DGKB: variants seen among roughly 807,000 people sequenced by gnomAD.
The protein encoded by DGKB is diacylglycerol kinase beta.
A neutral mutation model predicts 114.3 loss-of-function variants in DGKB; 67 were observed. The ratio of observed to expected loss-of-function variants is 0.59; its 90% CI spans 0.48 to 0.72. The LOEUF is 0.72. Among genes scored for constraint, DGKB ranks in the 30% least tolerant of loss-of-function variants. DGKB has a pLI of 0.00. For synonymous variants in DGKB, 398 were observed against 323.1 expected (o/e 1.23, Z -2.49); for missense variants, 907 against 975.2 (o/e 0.93, Z 0.93).
At chr7:14,445,304 T>C (rs1434920667) in intron 21 of DGKB, among the ~76,000 whole-genome samples, 1 of 151,900 alleles carries the variant, frequency 6.6e-6, no homozygotes, top group Non-Finnish European at 1.5e-5. Flanking sequence ...ATATTTTAAA[T>C]ATATAATCCA....
At chr7:14,882,688 A>G (rs1388969718) in intron 1 of DGKB, among the ~76,000 whole-genome samples, 2 of 151,946 alleles carry the variant, frequency 1.3e-5, no homozygotes, top group African/African-American at 4.8e-5. Flanking sequence ...AGAGTATGCA[A>G]TATTTTCCTT....
chr7:14,934,461 T>A (rs1394000941), intron 1 of DGKB, among the ~76,000 whole-genome samples: 1 of 152,142 alleles, frequency 6.6e-6, no homozygotes, highest in Non-Finnish European at 1.5e-5. Flanking sequence ...ATAATCTCAT[T>A]GAATTAAAAA....
chr7:14,834,063 T>C (rs1309268521), intron 2 of DGKB, among the ~76,000 whole-genome samples: 3 of 152,108 alleles, frequency 2.0e-5, no homozygotes, highest in African/African-American at 4.8e-5. Flanking sequence ...GCACTTCCTA[T>C]AATAATGTGG....
chr7:14,896,552 T>C (rs1236138881), intron 1 of DGKB, among the ~76,000 whole-genome samples: 3 of 151,684 alleles, frequency 2.0e-5, no homozygotes, highest in Admixed American at 1.3e-4. Flanking sequence ...CTGATACTTT[T>C]TCTCTGAGAC....
upstream of DGKB, among the ~76,000 whole-genome samples, chr7:14,907,301 C>T (rs1175410244): frequency 1.3e-5 from 2 of 152,332 alleles, no homozygotes; most frequent in East Asian, 3.9e-4. Context: ...AGGCCATTTA[C>T]AGGCCTTTCC....
chr7:14,908,972 T>C (rs1783848057), intron 1 of DGKB, among the ~76,000 whole-genome samples: 1 of 152,170 alleles, frequency 6.6e-6, no homozygotes, highest in Admixed American at 6.5e-5. Context: ...TTTGAAAAAG[T>C]AAGGATGCAT....
chr7:14,802,748 G>A (rs1192622286), intron 2 of DGKB, among the ~76,000 whole-genome samples: 1 of 152,068 alleles, frequency 6.6e-6, no homozygotes, highest in African/African-American at 2.4e-5. Flanking sequence ...AAAAATCACA[G>A]ATTTACTAAA....
In DGKB at chr7:14,317,566, T is replaced by A. The variant is rs1194176336; in HGVS notation, c.2122+20949A>T. On this transcript the variant is annotated intron_variant, in intron 23 of 25. Transcript: ENST00000402815. ...TCAAAGAGAATAAAAGACCTAGGAA[T>A]CCAACTTACAAGGGATGTGAAGGAC... Among the ~76,000 whole-genome samples, 3 of 150,618 alleles carry A rather than the reference T, an allele frequency of 2.0e-5. No homozygotes were observed. In the East Asian group the frequency reaches 5.9e-4, roughly 30 times the overall value.
intron 21 of DGKB, among the ~76,000 whole-genome samples, chr7:14,366,695 G>A (rs949072830): frequency 6.6e-6 from 1 of 152,216 alleles, no homozygotes; most frequent in South Asian, 2.1e-4. Flanking sequence ...AAGATGAACT[G>A]AGAAGGGATT....
chr7:14,781,016 TG>T (rs1839009033), intron 2 of DGKB, among the ~76,000 whole-genome samples: 1 of 152,230 alleles, frequency 6.6e-6, no homozygotes, highest in Non-Finnish European at 1.5e-5. Flanking sequence ...TCTTCCTGGC[TG>T]TTCATTTTCT....
intron 20 of DGKB, among the ~76,000 whole-genome samples, chr7:14,557,366 ATTTC>A (rs1323747608): frequency 6.6e-6 from 1 of 151,972 alleles, no homozygotes; most frequent in African/African-American, 2.4e-5. Context: ...CTGTGTATTT[ATTTC>A]TTTCTGTTAA....
intron 1 of DGKB, among the ~76,000 whole-genome samples, chr7:14,929,354 G>T (rs1263700462): frequency 1.3e-5 from 2 of 152,044 alleles, no homozygotes; most frequent in Non-Finnish European, 2.9e-5. Context: ...CATCAACAGT[G>T]TATAAATGTT....
intron 1 of DGKB, among the ~76,000 whole-genome samples, chr7:14,890,135 A>G (rs1035961930): frequency 6.6e-6 from 1 of 151,560 alleles, no homozygotes; most frequent in Non-Finnish European, 1.5e-5. Flanking sequence ...AATCCCACAG[A>G]TAAAATTAAT....
intron 13 of DGKB, among the ~76,000 whole-genome samples, chr7:14,638,095 T>A (rs1219261507): frequency 6.6e-6 from 1 of 152,104 alleles, no homozygotes; most frequent in Non-Finnish European, 1.5e-5. Context: ...GAAAAACATC[T>A]CAATTCTCCT....
chr7:14,191,495 C>A, intron 23 of DGKB: 1 of 191,684 alleles, frequency 5.2e-6, no homozygotes, highest in South Asian at 1.2e-4. Context: ...ATCCTATCAC[C>A]AACTCATCCA....
chr7:14,437,366 G>A (rs905400757), intron 21 of DGKB, among the ~76,000 whole-genome samples: 7 of 152,060 alleles, frequency 4.6e-5, no homozygotes, highest in African/African-American at 1.2e-4. Flanking sequence ...AAAACTATCC[G>A]TGCTTTTGTA....
At chr7:14,924,797 A>C (rs1336114188) in intron 1 of DGKB, among the ~76,000 whole-genome samples, 3 of 152,150 alleles carry the variant, frequency 2.0e-5, no homozygotes, top group Non-Finnish European at 4.4e-5. Flanking sequence ...TATAATACAG[A>C]AACACTGAAG....
At chr7:14,389,557 A>G (rs1201590270) in intron 21 of DGKB, among the ~76,000 whole-genome samples, 2 of 152,148 alleles carry the variant, frequency 1.3e-5, no homozygotes, top group East Asian at 3.9e-4. Flanking sequence ...TCCACTTAAC[A>G]TTTCCTCTCA....
intron 4 of DGKB, chr7:14,750,124 G>T (rs779956465): frequency 1.4e-5 from 7 of 518,198 alleles, no homozygotes; most frequent in Admixed American, 1.9e-5. Flanking sequence ...GCTCAGAAAA[G>T]TTCCTTAAAT....
Sources: allele counts gnomAD v4.1 joint callset (sites outside exome capture counted in the v4.1 genomes callset), GRCh38; gene constraint gnomAD v4.1.1; transcripts MANE v1.5; gene names NCBI Gene and HGNC (gene_info 2026-07-23, HGNC 2026-07-21).